The following NSF variants were observed in gnomAD, a reference collection of about 807,000 sequenced individuals.
NSF encodes N-ethylmaleimide sensitive factor, vesicle fusing ATPase, also known as vesicle-fusing ATPase.
In NSF, 14 loss-of-function variants were observed where a neutral mutation model predicts 50.3. The observed-to-expected ratio is 0.28, with a 90% CI of 0.18 to 0.44. The LOEUF is 0.44. Ranked by LOEUF, NSF falls within the 20% of genes least tolerant of loss-of-function variation. The pLI, the probability that NSF is intolerant of heterozygous loss-of-function variation, is 1.00. For synonymous variants in NSF, 109 were observed against 175.7 expected (o/e 0.62, Z 3.00); for missense variants, 218 against 504.3 (o/e 0.43, Z 5.44).
chr17:46,610,027 T>TTCTCTCTC (rs1555666763), intron 1 of NSF, among the ~76,000 whole-genome samples: 8 of 109,470 alleles, frequency 7.3e-5, no homozygotes, highest in African/African-American at 9.9e-5. Flanking sequence ...CTTTCTTTCT[T>TTCTCTCTC]TCTCTCTCTC....
chr17:46,739,370 CAAA>C lies in NSF; in HGVS notation c.1909-10383_1909-10381del, dbSNP rs1230180574. 5.6e-4 allele frequency among the ~76,000 whole-genome samples: 30 copies of C among 53,176 alleles called. 1 individual carries two copies. The East Asian group carries it at 0.021, about 37-fold the overall frequency. The allele number at this position is 53,176 out of a possible 152,430, so 34.9% of individuals were successfully genotyped here. A position where few individuals can be genotyped will look rare whatever the true frequency, so the allele number is the denominator to read the frequency against. On this transcript the variant is annotated intron_variant, in intron 17 of 20. Transcript: ENST00000398238. ...TGGGCAACAGAGCGAGACTCTGTCT[CAAA>C]AAAAAAAAAAAAAAAAAAAGCCAAG...
chr17:46,710,903 T>G (rs1568039817), intron 13 of NSF, 60 bp from the exon 14 acceptor site: 3 of 1,459,052 alleles, frequency 2.1e-6, no homozygotes, highest in Non-Finnish European at 2.8e-6. Flanking sequence ...AACTCGTCTT[T>G]TATACTGTTA....
chr17:46,714,450 T>A (rs370178630), intron 15 of NSF, among the ~76,000 whole-genome samples: 7 of 152,214 alleles, frequency 4.6e-5, no homozygotes, highest in East Asian at 1.9e-4. Context: ...ATAATCAGAA[T>A]CTGCTTGGTA....
chr17:46,711,319 A>T (rs182220374), intron 14 of NSF, among the ~76,000 whole-genome samples, 200 bp downstream of exon 14: 2 of 152,366 alleles, frequency 1.3e-5, no homozygotes, highest in East Asian at 3.9e-4. Flanking sequence ...GTGAGGAAAG[A>T]TAGCAACTAG....
At chr17:46,738,286 T>G (rs1416876992) in intron 17 of NSF, among the ~76,000 whole-genome samples, 1 of 152,174 alleles carries the variant, frequency 6.6e-6, no homozygotes, top group Non-Finnish European at 1.5e-5. Flanking sequence ...GAGGATATGT[T>G]CTGTGTACTT....
chr17:46,756,977 C>G lies in NSF; in HGVS notation c.*1154C>G, dbSNP rs1206426890. ...AATTAGGTCATATTTGGTGATGAGA[C>G]TTATGGAGTGTGCCTCTCTCTCCCA... is the stretch of plus-strand genomic sequence containing the variant. On this transcript the variant is annotated 3_prime_UTR_variant, in exon 21 of 21. Coordinates refer to ENST00000398238, the MANE Select transcript of NSF (RefSeq NM_006178.4). 6 of 152,284 alleles carry G rather than the reference C, an allele frequency of 3.9e-5. No individual in the cohort carries two copies. The highest frequency in any genetic ancestry group is 1.2e-4 in the African/African-American group (5 of 41,412). 9.4% of individuals were successfully genotyped at this position (152,284 alleles called of 1,614,324 possible).
chr17:46,598,653 T>A (rs1420327021), intron 1 of NSF, among the ~76,000 whole-genome samples: 1 of 152,116 alleles, frequency 6.6e-6, no homozygotes, highest in Non-Finnish European at 1.5e-5. Flanking sequence ...GTGTTTTGAC[T>A]AGGGCAGGCC....
intron 2 of NSF, among the ~76,000 whole-genome samples, chr17:46,626,046 T>A (rs1362535138): frequency 6.7e-6 from 1 of 148,428 alleles, no homozygotes; most frequent in Admixed American, 6.7e-5. Flanking sequence ...TAGCACAAAA[T>A]TTTTTAAAAC....
At position 46,721,935 on chromosome 17, in the gene NSF, G is replaced by A. The variant is rs540396518; in HGVS notation, c.1762-4614G>A. The A allele has an allele frequency of 6.8e-4, 1,087 of 1,597,752 alleles. 16 individuals carry two copies. In the South Asian group the frequency reaches 0.011, roughly 16 times the overall value. On this transcript the variant is annotated intron_variant, in intron 15 of 20. Transcript: ENST00000398238. The stretch of plus-strand genomic sequence containing the variant: ...TTTTTCTCCAATTCGCGTACTAGCC[G>A]GACTTGGATTTTCTGGAAAGATTTC...
intron 20 of NSF, 39 bp downstream of exon 20, chr17:46,755,408 T>TA: frequency 1.3e-6 from 2 of 1,496,404 alleles, no homozygotes; most frequent in South Asian, 1.1e-5. Context: ...CAACCAAACT[T>TA]ACCACCCTGT....
At chr17:46,631,088 A>ACACACACACACACACACACACACG (rs2058134569) in intron 4 of NSF, among the ~76,000 whole-genome samples, 2 of 145,932 alleles carry the variant, frequency 1.4e-5, no homozygotes, top group East Asian at 3.9e-4. Context: ...ACACACACAC[A>ACACACACACACACACACACACACG]CACACACACA....
intron 17 of NSF, among the ~76,000 whole-genome samples, chr17:46,742,914 C>G (rs2059090338): frequency 6.6e-6 from 1 of 152,142 alleles, no homozygotes; most frequent in Admixed American, 6.5e-5. Flanking sequence ...AAAATTATTC[C>G]TATTTCAAGA....
chr17:46,728,892 A>G lies in NSF; in HGVS notation c.1866A>G (p.Val622=), dbSNP rs531135277. The G allele has an allele frequency of 5.6e-6, 9 of 1,608,968 alleles. No individual in the cohort carries two copies. The East Asian group carries it at 2.0e-4, about 36-fold the overall frequency. The part of the protein sequence containing the change: ...VPIGPRFSNL[V]LQALLVLLKK... ...TTGGCCCTCGATTTTCAAATCTTGT[A>G]TTACAGGCTCTTCTCGTTTTACTGA... Residue 622 remains valine (V), a synonymous_variant, in exon 17 of 21, where the codon GTA becomes GTG. Coordinates refer to ENST00000398238, the MANE Select transcript of NSF (RefSeq NM_006178.4).
intron 17 of NSF, among the ~76,000 whole-genome samples, chr17:46,742,637 C>G (rs2059086565): frequency 1.3e-5 from 2 of 152,186 alleles, no homozygotes; most frequent in Non-Finnish European, 2.9e-5. Flanking sequence ...GAAAAGCTGA[C>G]ATTCAGGCAG....
At chr17:46,729,553 TA>T (rs138027292) in intron 17 of NSF, among the ~76,000 whole-genome samples, 148,504 of 152,178 alleles carry the variant, frequency 0.98, 72,546 homozygotes, top group East Asian at 1. Flanking sequence ...TTAAATATGT[TA>T]AATTATGTAG....
rs1314935890 is a variant in NSF, at chr17:46,755,871, G to A, written c.*48G>A. The A allele has an allele frequency of 6.3e-7, 1 of 1,586,860 alleles. No individual in the cohort carries two copies. Among genetic ancestry groups the A allele is most frequent in the Admixed American group, 1.7e-5 (1 of 58,882 alleles). ...AGTGACCAAGGGAAGTGACCAAGGT[G>A]AAGATGGCCTAGGATCTTCACTGTC... On this transcript the variant is annotated 3_prime_UTR_variant, in exon 21 of 21. Coordinates refer to ENST00000398238, the MANE Select transcript of NSF (RefSeq NM_006178.4).
intron 17 of NSF, among the ~76,000 whole-genome samples, chr17:46,743,837 A>G (rs2059101542): frequency 6.6e-6 from 1 of 152,054 alleles, no homozygotes; most frequent in South Asian, 2.1e-4. Flanking sequence ...TGCTTTTTAT[A>G]TTAAATATTT....
At chr17:46,714,096 C>T (rs2058745023) in intron 15 of NSF, 110 bp downstream of exon 15, 2 of 1,208,446 alleles carry the variant, frequency 1.7e-6, no homozygotes, top group East Asian at 5.8e-5. Context: ...CAACTATGTT[C>T]TTCTCAAGTG....
chr17:46,726,707 C>A, intron 16 of NSF, 92 bp downstream of exon 16: 1 of 1,115,078 alleles, frequency 9.0e-7, no homozygotes, highest in Non-Finnish European at 1.4e-6. Context: ...TATTTATAAA[C>A]TGTAAAGCAA....
Sources: allele counts gnomAD v4.1 joint callset (sites outside exome capture counted in the v4.1 genomes callset), GRCh38; gene constraint gnomAD v4.1.1; transcripts MANE v1.5; gene names NCBI Gene and HGNC (gene_info 2026-07-23, HGNC 2026-07-21).